The following ITGB1 variants were observed in gnomAD, a reference collection of about 807,000 sequenced individuals.
The protein encoded by ITGB1 is integrin subunit beta 1, also known as integrin beta-1.
Under a neutral mutation model 86.5 loss-of-function variants are expected in ITGB1, and 24 were observed. The ratio of observed to expected loss-of-function variants is 0.28; its 90% CI spans 0.20 to 0.39. The LOEUF (loss-of-function observed/expected upper bound fraction) is 0.39. Among genes scored for constraint, ITGB1 ranks in the 10% least tolerant of loss-of-function variants. The pLI is 1.00. For synonymous variants in ITGB1, 323 were observed against 316.8 expected, an observed-to-expected ratio of 1.02 and a Z score of -0.21; for missense variants, 556 against 946.9, an observed-to-expected ratio of 0.59 and a Z score of 5.42.
chr10:32,952,475 C>T (rs546690440), intron 1 of ITGB1, among the ~76,000 whole-genome samples: 1 of 151,662 alleles, frequency 6.6e-6, no homozygotes, highest in Admixed American at 6.6e-5. Flanking sequence ...TGACCCTGTA[C>T]CACCCCTTTA....
At position 32,901,546 on chromosome 10, in the gene ITGB1, T is replaced by C; in HGVS notation, c.*24A>G. The stretch of plus-strand genomic sequence containing the variant: ...GGAAATTGCTACTTTGCATTCAGTG[T>C]TGTGGGATTTGCACGGGCAGTACTC... On this transcript the variant is annotated 3_prime_UTR_variant, in exon 16 of 16. Transcript: ENST00000302278. 2 of 1,437,466 alleles carry C rather than the reference T, an allele frequency of 1.4e-6. No homozygotes were observed. The highest frequency in any genetic ancestry group is 1.9e-6 in the Non-Finnish European group (2 of 1,030,608). The allele number at this position is 1,437,466 out of a possible 1,614,324, so 89.0% of individuals were successfully genotyped here.
At chr10:32,934,473 G>A (rs1710180717) in intron 2 of ITGB1, among the ~76,000 whole-genome samples, 2 of 152,096 alleles carry the variant, frequency 1.3e-5, no homozygotes, top group African/African-American at 2.4e-5. Context: ...AGGAGGTCCT[G>A]GAACCAATTC....
At chr10:32,914,545 A>T (rs538058195) in intron 11 of ITGB1, among the ~76,000 whole-genome samples, 5 of 152,328 alleles carry the variant, frequency 3.3e-5, no homozygotes, top group African/African-American at 1.2e-4. Flanking sequence ...CTTTAAACCA[A>T]CAAAGATCAA....
At chr10:32,902,826 T>C (rs1261264085) in intron 15 of ITGB1, among the ~76,000 whole-genome samples, 1 of 152,124 alleles carries the variant, frequency 6.6e-6, no homozygotes, top group Non-Finnish European at 1.5e-5. Flanking sequence ...TATAGTTTGG[T>C]GGGTGAGAGA....
rs1232526206 is a variant in ITGB1, at chr10:32,923,637, T to C, written c.890A>G (p.Asn297Ser). 1 of 1,613,890 alleles carries C rather than the reference T, an allele frequency of 6.2e-7. No individual in the cohort carries two copies. Among genetic ancestry groups the C allele is most frequent in the Non-Finnish European group, 8.5e-7 (1 of 1,179,818 alleles). ...DGKLGGIVLP[N>S]DGQCHLENNM... ...ATTTTCCAGGTGACATTGTCCATCA[T>C]TTGGTAAAACAATGCCACCAAGTTT... Residue 297 changes from asparagine (N) to serine (S), a missense_variant, in exon 7 of 16, where the codon AAT (asparagine) becomes AGT (serine). Physicochemically the swap from Asn to Ser is conservative, Grantham distance 46 (BLOSUM62 1). Transcript: ENST00000302278.
At chr10:32,914,807 A>G (rs1266665388) in intron 11 of ITGB1, among the ~76,000 whole-genome samples, 3 of 152,160 alleles carry the variant, frequency 2.0e-5, no homozygotes, top group Non-Finnish European at 4.4e-5. Flanking sequence ...GCTCTGCACC[A>G]AGTGGACCTA....
At chr10:32,954,820 C>T (rs1167203457) in intron 1 of ITGB1, among the ~76,000 whole-genome samples, 2 of 152,166 alleles carry the variant, frequency 1.3e-5, no homozygotes, top group Non-Finnish European at 2.9e-5. Context: ...GTGATATGCA[C>T]ACGCTTAAGC....
At chr10:32,913,472 A>C (rs1260458602) in intron 11 of ITGB1, among the ~76,000 whole-genome samples, 2 of 152,224 alleles carry the variant, frequency 1.3e-5, no homozygotes, top group African/African-American at 4.8e-5. Context: ...AGAAGACCTT[A>C]AATGACCTGA....
At position 32,922,292 on chromosome 10, in the gene ITGB1, T is replaced by C; in HGVS notation, c.1093A>G (p.Ser365Gly). 2 of 1,609,714 alleles carry C rather than the reference T, an allele frequency of 1.2e-6. No homozygotes were observed. Among genetic ancestry groups the C allele is most frequent in the African/African-American group, 1.3e-5 (1 of 74,880 alleles). Residue 365 changes from serine to glycine, a missense_variant, in exon 9 of 16, where the codon AGC (serine) becomes GGC (glycine). Ser to Gly is a moderately conservative substitution (Grantham distance 56). Around this residue, in one of 4 missense-constraint regions of ITGB1, gnomAD observed 330 missense variants for 531.5 expected, o/e 0.62. Coordinates refer to ENST00000302278, the MANE Select transcript of ITGB1 (RefSeq NM_002211.4). ...SAVGTLSANS[S>G]NVIQLIIDAY... The stretch of plus-strand genomic sequence containing the variant: ...TCAATGATCAACTGAATTACATTGC[T>C]AGAATTTGCAGATAATGTTCCTACT...
intron 11 of ITGB1, among the ~76,000 whole-genome samples, chr10:32,916,961 C>A (rs999252931): frequency 1.3e-5 from 2 of 152,146 alleles, no homozygotes; most frequent in Non-Finnish European, 2.9e-5. Context: ...GCTACAGTAA[C>A]CAAAACAGCA....
chr10:32,920,531 A>G (rs2094946107), intron 9 of ITGB1, 146 bp from the exon 10 acceptor site: 1 of 645,438 alleles, frequency 1.5e-6, no homozygotes, highest in Non-Finnish European at 2.7e-6. Flanking sequence ...GAAAACACAG[A>G]GGCCAGAGAA....
In ITGB1 at chr10:32,923,774, T is replaced by C. The variant is rs1593867541; in HGVS notation, c.787-34A>G. ...GAAAAGGATTTCAATTTTAAAACAC[T>C]ATTCACAGTAATTCAACAAAAATCC... On this transcript the variant is annotated intron_variant, in intron 6 of 15. Coordinates refer to ENST00000302278, the MANE Select transcript of ITGB1 (RefSeq NM_002211.4). The C allele has an allele frequency of 3.2e-6, 5 of 1,570,008 alleles. No homozygotes were observed. The East Asian group carries it at 1.1e-4, about 36-fold the overall frequency.
rs537128829 is a variant in ITGB1, at chr10:32,922,420, T to C, written c.1039-74A>G. On this transcript the variant is annotated intron_variant, in intron 8 of 15. Transcript: ENST00000302278. ...CCAATTAGGATCCACTGAGCAACTT[T>C]TATCTTTAAATGCCAGTTCCCATGT... 52 of 1,039,050 alleles carry C rather than the reference T, an allele frequency of 5.0e-5. No homozygotes were observed. In the Middle Eastern group the frequency reaches 1.4e-3, roughly 29 times the overall value. 64.4% of individuals were successfully genotyped at this position (1,039,050 alleles called of 1,614,324 possible).
chr10:32,950,095 T>C (rs1313564832), intron 1 of ITGB1, among the ~76,000 whole-genome samples: 1 of 152,160 alleles, frequency 6.6e-6, no homozygotes, highest in Non-Finnish European at 1.5e-5. Context: ...TAGAGGTATA[T>C]CATAAATGTC....
chr10:32,903,103 G>A (rs1160530389), intron 15 of ITGB1, among the ~76,000 whole-genome samples: 2 of 152,046 alleles, frequency 1.3e-5, no homozygotes, highest in Admixed American at 1.3e-4. Flanking sequence ...TGTAATCCCA[G>A]AACTTTGAGA....
At chr10:32,921,623 C>T (rs778112431) in intron 9 of ITGB1, among the ~76,000 whole-genome samples, 6 of 152,136 alleles carry the variant, frequency 3.9e-5, no homozygotes, top group African/African-American at 7.2e-5. Context: ...AAGGCTAACT[C>T]GGTGTGATTA....
intron 15 of ITGB1, chr10:32,907,278 A>T: frequency 3.3e-6 from 1 of 306,872 alleles, no homozygotes; most frequent in South Asian, 3.0e-5. Flanking sequence ...GATAATTTTT[A>T]AAAACCCAAG....
At chr10:32,943,714 T>A (rs1265056776) in intron 1 of ITGB1, among the ~76,000 whole-genome samples, 1 of 151,510 alleles carries the variant, frequency 6.6e-6, no homozygotes, top group Non-Finnish European at 1.5e-5. Context: ...TTAGCTAGGG[T>A]TCTGTCCAAA....
chr10:32,943,465 C>A (rs1243586231), intron 1 of ITGB1, among the ~76,000 whole-genome samples: 1 of 125,734 alleles, frequency 8.0e-6, no homozygotes, highest in Admixed American at 1.0e-4. Flanking sequence ...GTGTGCAGGG[C>A]AGGTGCAAGA....
Sources: gnomAD v4.1 joint callset for allele counts (sites outside exome capture counted in the v4.1 genomes callset) on GRCh38, gnomAD v4.1.1 for gene constraint, gnomAD v4.1.1 regional missense constraint, MANE v1.5 for transcripts, NCBI Gene and HGNC (gene_info 2026-07-23, HGNC 2026-07-21) for gene names.